SLC16A3: variants seen among roughly 807,000 people sequenced by gnomAD.
SLC16A3 encodes the protein solute carrier family 16 member 3, also known as monocarboxylate transporter 4.
Under a neutral mutation model 25.0 loss-of-function variants are expected in SLC16A3, and 22 were observed. The ratio of observed to expected loss-of-function variants is 0.88; its 90% CI spans 0.63 to 1.26. The LOEUF is 1.26. SLC16A3 is among the 50% of genes most tolerant of loss of function. The pLI, the probability that SLC16A3 is intolerant of heterozygous loss-of-function variation, is 0.00. For synonymous variants in SLC16A3, 390 were observed against 309.2 expected (o/e 1.26, Z -2.74); for missense variants, 731 against 666.6 (o/e 1.10, Z -1.06).
In SLC16A3 at chr17:82,239,187, G is replaced by C; in HGVS notation, c.*211G>C. On this transcript the variant is annotated 3_prime_UTR_variant, in exon 5 of 5. Coordinates refer to ENST00000582743, the MANE Select transcript of SLC16A3 (RefSeq NM_004207.4). ...AGTGGATCTGCGGTGAAGCCAAGCC[G>C]CAAGGTTACAAGGCATCCTCACCAG... 1 of 476,022 alleles carries C rather than the reference G, an allele frequency of 2.1e-6. No homozygotes were observed. The highest frequency in any genetic ancestry group is 3.6e-6 in the Non-Finnish European group (1 of 279,250). The allele number at this position is 476,022 out of a possible 1,614,324, so 29.5% of individuals were successfully genotyped here.
At chr17:82,218,065 TG>T (rs762046076) in exon 1 of SLC16A3, among the ~76,000 whole-genome samples, 1 of 152,294 alleles carries the variant, frequency 6.6e-6, no homozygotes, top group Non-Finnish European at 1.5e-5. Flanking sequence ...AGGTTGGGGC[TG>T]GGCACGAGGC....
rs764381806 is a variant in SLC16A3 at position 82,237,408 on chromosome 17, C to T, written c.638C>T (p.Pro213Leu). 3 of 1,563,816 alleles carry T rather than the reference C, an allele frequency of 1.9e-6. No homozygotes were observed. The highest frequency in any genetic ancestry group is 2.4e-5 in the East Asian group (1 of 42,436). The change falls in exon 4 of 5, where the codon CCC becomes CTC. Residue 213 changes from proline (P) to leucine (L), a missense_variant. Pro to Leu is a moderately conservative substitution (Grantham distance 98). Coordinates refer to ENST00000582743, the MANE Select transcript of SLC16A3 (RefSeq NM_004207.4). ...TAQPGSGPPR[P>L]SRRLLDLSVF... ...CAGCCGGGCTCGGGGCCGCCGCGAC[C>T]CTCCCGGCGCCTGCTAGACCTGAGC...
At chr17:82,235,230 G>GT (rs898992412) in intron 1 of SLC16A3, 4 of 149,446 alleles carry the variant, frequency 2.7e-5, no homozygotes, top group African/African-American at 1.0e-4. Flanking sequence ...CACAGGTGGG[G>GT]TGAGTCAAGA....
rs367627694 is a variant in SLC16A3 at position 82,235,999 on chromosome 17, C to T, written c.-10C>T. On this transcript the variant is annotated 5_prime_UTR_variant, in exon 2 of 5. Coordinates refer to ENST00000582743, the MANE Select transcript of SLC16A3 (RefSeq NM_004207.4). ...CTCTCTCAGGTGAGGCGGAACCAAC[C>T]CTCCTGGCCATGGGAGGGGCCGTGG... The T allele has an allele frequency of 6.8e-6, 11 of 1,608,024 alleles. No individual in the cohort carries two copies. The highest frequency in any genetic ancestry group is 1.7e-5 in the Admixed American group (1 of 59,510).
upstream of SLC16A3, among the ~76,000 whole-genome samples, chr17:82,223,689 T>C (rs2050402633): frequency 6.6e-6 from 1 of 152,010 alleles, no homozygotes; most frequent in Non-Finnish European, 1.5e-5. Flanking sequence ...ATTGTTTGTA[T>C]TTTTTGGTAG....
At chr17:82,227,273 GCT>G (rs71369007), upstream of SLC16A3, among the ~76,000 whole-genome samples, 677 of 152,194 alleles carry the variant, frequency 4.4e-3, 4 homozygotes, top group Non-Finnish European at 6.8e-3. Flanking sequence ...GAGGTCCCAG[GCT>G]CTCTGGCTCT....
chr17:82,232,428 TG>T (rs1236540574), intron 1 of SLC16A3: 3 of 152,522 alleles, frequency 2.0e-5, no homozygotes, highest in Non-Finnish European at 4.4e-5. Flanking sequence ...CCCAAGGTGG[TG>T]GGCGAGGTTT....
rs531538061 is a variant in SLC16A3 at position 82,237,407 on chromosome 17, C to T, written c.637C>T (p.Pro213Ser). The T allele has an allele frequency of 6.4e-7, 1 of 1,563,596 alleles. No homozygotes were observed. Among genetic ancestry groups the T allele is most frequent in the East Asian group, 2.4e-5 (1 of 42,408 alleles). ...TAQPGSGPPR[P>S]SRRLLDLSVF... Reference sequence around the variant, plus strand: ...CCAGCCGGGCTCGGGGCCGCCGCGACCCTCCCGGCGCCTGCTAGACCTGAG... The same window carrying T: ...CCAGCCGGGCTCGGGGCCGCCGCGATCCTCCCGGCGCCTGCTAGACCTGAG... Residue 213 changes from proline to serine, a missense_variant, in exon 4 of 5, where the codon CCC becomes TCC. Transcript: ENST00000582743.
intron 4 of SLC16A3, among the ~76,000 whole-genome samples, chr17:82,238,132 C>G (rs28571991): frequency 3.3e-5 from 5 of 150,216 alleles, no homozygotes; most frequent in African/African-American, 4.9e-5. Flanking sequence ...GGGCTGGGCC[C>G]GGGGGGGGGC....
chr17:82,237,999 G>C, intron 4 of SLC16A3, 106 bp downstream of exon 4: 1 of 1,325,598 alleles, frequency 7.5e-7, no homozygotes, highest in Non-Finnish European at 1.0e-6. Flanking sequence ...CGCAGTGTGG[G>C]ACTCAGAGCT....
intron 1 of SLC16A3, among the ~76,000 whole-genome samples, chr17:82,232,855 C>T (rs999550088): frequency 7.3e-6 from 1 of 136,768 alleles, no homozygotes; most frequent in Non-Finnish European, 1.5e-5. Context: ...CCTGGGAGAT[C>T]AGCTTTCTCA....
upstream of SLC16A3, among the ~76,000 whole-genome samples, chr17:82,227,620 AC>A (rs2050433333): frequency 7.8e-5 from 2 of 25,598 alleles, no homozygotes; most frequent in South Asian, 2.8e-3. Context: ...GGGCGGGAGC[AC>A]CACCTGCCCT....
upstream of SLC16A3, among the ~76,000 whole-genome samples, chr17:82,226,003 C>T (rs569371721): frequency 6.6e-6 from 1 of 151,054 alleles, no homozygotes; most frequent in African/African-American, 2.4e-5. Context: ...CCCCTTCCTG[C>T]CCGCCCCCCT....
chr17:82,236,645 C>T (rs1193419563), intron 2 of SLC16A3, 84 bp from the exon 3 acceptor site: 3 of 1,538,040 alleles, frequency 2.0e-6, no homozygotes, highest in Non-Finnish European at 2.6e-6. Context: ...GAAGGGGAGG[C>T]CGGCTCCAGG....
chr17:82,236,725 C>T lies in SLC16A3; in HGVS notation c.224-4C>T. The stretch of plus-strand genomic sequence containing the variant: ...CGGCCCCTCTCAGCTGCTGCCCTCT[C>T]CAGGTCCGCTCTGCAGTGTGTGCGT... On this transcript the variant is annotated splice_region_variant and splice_polypyrimidine_tract_variant and intron_variant, in intron 2 of 4. Transcript: ENST00000582743. The T allele has an allele frequency of 6.2e-7, 1 of 1,604,960 alleles. No individual in the cohort carries two copies. Among genetic ancestry groups the T allele is most frequent in the Non-Finnish European group, 8.5e-7 (1 of 1,179,502 alleles).
intron 1 of SLC16A3, among the ~76,000 whole-genome samples, chr17:82,219,521 G>T (rs1185433826): frequency 1.3e-5 from 2 of 152,074 alleles, no homozygotes; most frequent in East Asian, 3.9e-4. Flanking sequence ...CTCGCTCCCT[G>T]GGCCTGCTGT....
At chr17:82,228,545 G>C (rs900720518), upstream of SLC16A3, 1 of 152,360 alleles carries the variant, frequency 6.6e-6, no homozygotes, top group African/African-American at 2.4e-5. Flanking sequence ...AAGGGGGACA[G>C]GTCGGACGTG....
At chr17:82,220,695 A>T (rs2147105875) in intron 1 of SLC16A3, among the ~76,000 whole-genome samples, 1 of 152,328 alleles carries the variant, frequency 6.6e-6, no homozygotes, top group Admixed American at 6.5e-5. Flanking sequence ...TCCACATGCA[A>T]AGAATAATGC....
intron 2 of SLC16A3, 139 bp downstream of exon 2, chr17:82,236,370 C>A: frequency 1.2e-6 from 1 of 815,956 alleles, no homozygotes; most frequent in Non-Finnish European, 1.9e-6. Context: ...GGGCCAGGAT[C>A]CTGCTGGGCA....
Sources: allele counts gnomAD v4.1 joint callset (sites outside exome capture counted in the v4.1 genomes callset), GRCh38; gene constraint gnomAD v4.1.1; transcripts MANE v1.5; gene names NCBI Gene and HGNC (gene_info 2026-07-23, HGNC 2026-07-21).